UNC5D: variants seen among roughly 807,000 people sequenced by gnomAD.
UNC5D encodes unc-5 netrin receptor D.
In UNC5D, 39 loss-of-function variants were observed where a neutral mutation model predicts 105.4. That is an observed-to-expected ratio of 0.37 (90% CI 0.29 to 0.48). UNC5D has a LOEUF of 0.48. Ranked by LOEUF, UNC5D falls within the 20% of genes least tolerant of loss-of-function variation. The pLI, the probability that UNC5D is intolerant of heterozygous loss-of-function variation, is 0.98. For synonymous variants in UNC5D, 452 were observed against 450.4 expected (o/e 1.00, Z -0.04); for missense variants, 991 against 1,202.4 (o/e 0.82, Z 2.60).
chr8:35,705,810 CA>C (rs756479830), intron 7 of UNC5D, 118 bp from the exon 8 acceptor site: 508 of 561,156 alleles, frequency 9.1e-4, no homozygotes, highest in Non-Finnish European at 1.3e-3. Flanking sequence ...TCCTGTTGTC[CA>C]TAAAAATGGA....
intron 1 of UNC5D, among the ~76,000 whole-genome samples, chr8:35,414,670 T>A (rs1392581347): frequency 6.6e-6 from 1 of 152,102 alleles, no homozygotes; most frequent in East Asian, 1.9e-4. Flanking sequence ...AATAATTCAT[T>A]GTCTTATTTG....
At chr8:35,419,977 G>A (rs1049794523) in intron 1 of UNC5D, among the ~76,000 whole-genome samples, 1 of 152,094 alleles carries the variant, frequency 6.6e-6, no homozygotes. Flanking sequence ...CTGAGTCTGG[G>A]GGTTTTTATG....
intron 4 of UNC5D, among the ~76,000 whole-genome samples, chr8:35,653,325 G>A (rs1823541076): frequency 6.6e-6 from 1 of 152,112 alleles, no homozygotes; most frequent in Non-Finnish European, 1.5e-5. Flanking sequence ...ATTTTTCAAT[G>A]ATACTTTTCC....
At chr8:35,453,719 G>T (rs893555111) in intron 1 of UNC5D, among the ~76,000 whole-genome samples, 1 of 152,030 alleles carries the variant, frequency 6.6e-6, no homozygotes, top group African/African-American at 2.4e-5. Flanking sequence ...GGCTGCTTTT[G>T]CATCTCAAGG....
At chr8:35,236,105 C>T (rs1802440929) in intron 1 of UNC5D, among the ~76,000 whole-genome samples, 1 of 152,196 alleles carries the variant, frequency 6.6e-6, no homozygotes, top group Non-Finnish European at 1.5e-5. Flanking sequence ...GGCTGTGACC[C>T]GGGCCCCTAC....
At chr8:35,714,333 A>G (rs992542180) in intron 8 of UNC5D, among the ~76,000 whole-genome samples, 1 of 152,208 alleles carries the variant, frequency 6.6e-6, no homozygotes, top group Non-Finnish European at 1.5e-5. Flanking sequence ...GACAAATGTG[A>G]GATGTGAGCA....
Position 35,544,880 on chromosome 8 carries a change from G to C in UNC5D, c.104-4412G>C, listed in dbSNP as rs184616210. Among the ~76,000 whole-genome samples, 39 of 152,258 alleles carry C rather than the reference G, an allele frequency of 2.6e-4. No homozygotes were observed. The East Asian group carries it at 6.6e-3, about 26-fold the overall frequency. ...TGCCTCCCAGAGTGCTGGGATTACAGGCATGAGCCACAGCACCTGGTCACA... is the reference window on the plus strand; with the variant it reads ...TGCCTCCCAGAGTGCTGGGATTACACGCATGAGCCACAGCACCTGGTCACA... On this transcript the variant is annotated intron_variant, in intron 1 of 16. Coordinates refer to ENST00000404895, the MANE Select transcript of UNC5D (RefSeq NM_080872.4).
At chr8:35,658,190 A>G (rs1244239107) in intron 4 of UNC5D, among the ~76,000 whole-genome samples, 2 of 152,344 alleles carry the variant, frequency 1.3e-5, no homozygotes, top group East Asian at 3.9e-4. Flanking sequence ...ATGTTACAAA[A>G]TAGAGAAACA....
intron 16 of UNC5D, among the ~76,000 whole-genome samples, chr8:35,787,586 C>A (rs1325429318): frequency 6.6e-6 from 1 of 151,988 alleles, no homozygotes; most frequent in African/African-American, 2.4e-5. Context: ...GAACAAGTGC[C>A]AATATTCAAA....
At chr8:35,555,780 C>T (rs760603447) in intron 2 of UNC5D, among the ~76,000 whole-genome samples, 16 of 151,144 alleles carry the variant, frequency 1.1e-4, no homozygotes, top group South Asian at 8.4e-4. Context: ...GAGCTGAGAT[C>T]GCACCACTGT....
intron 1 of UNC5D, among the ~76,000 whole-genome samples, chr8:35,407,148 G>C (rs950986061): frequency 1.2e-4 from 19 of 152,118 alleles, no homozygotes; most frequent in African/African-American, 4.3e-4. Flanking sequence ...TTCAGTACAG[G>C]AACATGCTAT....
chr8:35,511,941 GTC>G (rs1812740964), intron 1 of UNC5D, among the ~76,000 whole-genome samples: 1 of 152,108 alleles, frequency 6.6e-6, no homozygotes, highest in Admixed American at 6.6e-5. Flanking sequence ...GGTGGAGATG[GTC>G]TTGACAGGCA....
intron 1 of UNC5D, among the ~76,000 whole-genome samples, chr8:35,294,812 C>T (rs1308634929): frequency 6.7e-6 from 1 of 149,964 alleles, no homozygotes; most frequent in Non-Finnish European, 1.5e-5. Context: ...TCAACTTTTT[C>T]TTGTAATGGC....
intron 1 of UNC5D, among the ~76,000 whole-genome samples, chr8:35,358,438 G>A (rs1174226585): frequency 1.3e-5 from 2 of 152,120 alleles, no homozygotes; most frequent in East Asian, 1.9e-4. Context: ...AGTGGGAGCT[G>A]AACAATGAGA....
At chr8:35,378,308 T>G (rs1471644429) in intron 1 of UNC5D, among the ~76,000 whole-genome samples, 3 of 152,222 alleles carry the variant, frequency 2.0e-5, no homozygotes, top group Non-Finnish European at 4.4e-5. Context: ...TTACTTAGTG[T>G]CAACCCCCTA....
intron 3 of UNC5D, among the ~76,000 whole-genome samples, chr8:35,578,030 G>C (rs1033355697): frequency 6.6e-6 from 1 of 151,940 alleles, no homozygotes; most frequent in African/African-American, 2.4e-5. Flanking sequence ...TTGGAGACCA[G>C]CCTGGCCAAC....
At chr8:35,316,309 T>C (rs1196865609) in intron 1 of UNC5D, among the ~76,000 whole-genome samples, 1 of 152,172 alleles carries the variant, frequency 6.6e-6, no homozygotes, top group African/African-American at 2.4e-5. Flanking sequence ...TAGTCAATAA[T>C]GAATAATGAA....
chr8:35,658,504 G>T lies in UNC5D; in HGVS notation c.571-25043G>T, dbSNP rs539579828. 2.2e-4 allele frequency among the ~76,000 whole-genome samples: 33 copies of T among 152,254 alleles called. 1 individual carries two copies. The highest frequency in any genetic ancestry group is 7.2e-4 in the African/African-American group (30 of 41,544). On this transcript the variant is annotated intron_variant, in intron 4 of 16. Coordinates refer to ENST00000404895, the MANE Select transcript of UNC5D (RefSeq NM_080872.4). ...TGCTCTATAAATAGGCTGGTGGTCT[G>T]CAAGTACCCAGATGCTGTGTAATGA...
intron 1 of UNC5D, among the ~76,000 whole-genome samples, chr8:35,498,111 A>AAAAAAAG (rs1811729476): frequency 7.2e-6 from 1 of 139,690 alleles, no homozygotes; most frequent in Non-Finnish European, 1.5e-5. Flanking sequence ...AAAAAAAAAA[A>AAAAAAAG]GCGGGGGAGA....
Sources: gnomAD v4.1 joint callset for allele counts (sites outside exome capture counted in the v4.1 genomes callset) on GRCh38, gnomAD v4.1.1 for gene constraint, MANE v1.5 for transcripts, NCBI Gene and HGNC (gene_info 2026-07-23, HGNC 2026-07-21) for gene names.